The following POU2F1 variants were observed in gnomAD, a reference collection of about 807,000 sequenced individuals.
POU2F1 encodes the protein POU class 2 homeobox 1, also known as POU domain, class 2, transcription factor 1.
Under a neutral mutation model 84.9 loss-of-function variants are expected in POU2F1, and 16 were observed. That is an observed-to-expected ratio of 0.19 (90% CI 0.13 to 0.29). POU2F1 has a LOEUF of 0.29. Ranked by LOEUF, POU2F1 falls within the 10% of genes least tolerant of loss-of-function variation. POU2F1 has a pLI of 1.00. For synonymous variants in POU2F1, 368 were observed against 368.3 expected (o/e 1.00, Z 0.01); for missense variants, 738 against 942.6 (o/e 0.78, Z 2.84).
intron 15 of POU2F1, 68 bp downstream of exon 15, chr1:167,413,182 T>C (rs1002968701): frequency 5.2e-6 from 7 of 1,333,950 alleles, no homozygotes; most frequent in Non-Finnish European, 5.4e-6. Context: ...TGTGTGTGTG[T>C]GTGTGTGCTT....
At chr1:167,221,108 C>T in intron 1 of POU2F1, 150 bp downstream of exon 1, 3 of 771,808 alleles carry the variant, frequency 3.9e-6, no homozygotes, top group South Asian at 1.8e-5. Flanking sequence ...GAGCCCCCGC[C>T]GGGCGCTGAG....
chr1:167,298,892 G>A (rs372363460), intron 1 of POU2F1, among the ~76,000 whole-genome samples: 165 of 152,136 alleles, frequency 1.1e-3, no homozygotes, highest in African/African-American at 3.5e-3. Context: ...GGCTGGGCAC[G>A]GTGGCTCATG....
At position 167,332,542 on chromosome 1, in the gene POU2F1, G is replaced by T. The variant is rs1285519640; in HGVS notation, c.127+7G>T. On this transcript the variant is annotated splice_region_variant and intron_variant, in intron 2 of 15. Transcript: ENST00000367866. Reference sequence around the variant, plus strand: ...AGTGGAGATGGCAACACAGGTAAGAGTTTTCTGATCTAGCTTTTTAATTAA... The same window carrying T: ...AGTGGAGATGGCAACACAGGTAAGATTTTTCTGATCTAGCTTTTTAATTAA... 1 of 1,588,290 alleles carries T rather than the reference G, an allele frequency of 6.3e-7. No individual in the cohort carries two copies. The highest frequency in any genetic ancestry group is 8.6e-7 in the Non-Finnish European group (1 of 1,156,916).
At chr1:167,273,280 C>T (rs1652500421) in intron 1 of POU2F1, among the ~76,000 whole-genome samples, 1 of 152,186 alleles carries the variant, frequency 6.6e-6, no homozygotes. Flanking sequence ...TCCAGGTACA[C>T]AGAACAAGCC....
chr1:167,309,676 T>A (rs1655324912), intron 1 of POU2F1, among the ~76,000 whole-genome samples: 1 of 152,212 alleles, frequency 6.6e-6, no homozygotes, highest in African/African-American at 2.4e-5. Flanking sequence ...TTATTTTTAA[T>A]TTGGAACCCT....
chr1:167,233,081 C>T (rs968306279), intron 1 of POU2F1, among the ~76,000 whole-genome samples: 5 of 150,806 alleles, frequency 3.3e-5, no homozygotes, highest in Non-Finnish European at 5.9e-5. Context: ...ATTTTTAAAT[C>T]TTTTATACCA....
intron 1 of POU2F1, among the ~76,000 whole-genome samples, chr1:167,250,262 T>C (rs1650623457): frequency 6.6e-6 from 1 of 152,164 alleles, no homozygotes; most frequent in Non-Finnish European, 1.5e-5. Context: ...GTTAGAATTG[T>C]TTAGGTTGTT....
chr1:167,264,571 T>C (rs1651804266), intron 1 of POU2F1, among the ~76,000 whole-genome samples: 1 of 152,170 alleles, frequency 6.6e-6, no homozygotes, highest in Non-Finnish European at 1.5e-5. Context: ...ACAGTCCAGT[T>C]TGTGTTTTTA....
At chr1:167,221,788 G>T (rs1356822407) in intron 1 of POU2F1, among the ~76,000 whole-genome samples, 1 of 151,956 alleles carries the variant, frequency 6.6e-6, no homozygotes, top group African/African-American at 2.4e-5. Context: ...TGGGGCGGCG[G>T]GGGTGGGGAA....
chr1:167,318,285 A>G lies in POU2F1; in HGVS notation c.62-14185A>G, dbSNP rs972009891. ...GAGGTTGAGGTGCCACTAGACCGCC[A>G]TGTTTTCAGATAATAGGAACTCTTG... On this transcript the variant is annotated intron_variant, in intron 1 of 15. Transcript: ENST00000367866. 9.2e-5 allele frequency among the ~76,000 whole-genome samples: 14 copies of G among 152,322 alleles called. No homozygotes were observed. In the East Asian group the frequency reaches 1.5e-3, roughly 17 times the overall value.
intron 1 of POU2F1, among the ~76,000 whole-genome samples, chr1:167,304,894 G>GA (rs1227971820): frequency 2.0e-5 from 3 of 151,622 alleles, no homozygotes; most frequent in Non-Finnish European, 2.9e-5. Context: ...CACCTTTAAT[G>GA]AAAAAAAATG....
At chr1:167,315,518 G>A (rs759960288) in intron 1 of POU2F1, among the ~76,000 whole-genome samples, 14 of 152,276 alleles carry the variant, frequency 9.2e-5, no homozygotes, top group Non-Finnish European at 1.8e-4. Context: ...GCTCATGCCT[G>A]TAATCCCGGC....
intron 2 of POU2F1, among the ~76,000 whole-genome samples, chr1:167,361,343 G>C (rs1354435844): frequency 6.6e-6 from 1 of 152,138 alleles, no homozygotes; most frequent in Non-Finnish European, 1.5e-5. Flanking sequence ...TTTGAGGTAT[G>C]TTCCTTCAAT....
At chr1:167,265,146 A>G (rs1467516422) in intron 1 of POU2F1, among the ~76,000 whole-genome samples, 1 of 152,236 alleles carries the variant, frequency 6.6e-6, no homozygotes, top group Admixed American at 6.5e-5. Context: ...AATGCTGTAT[A>G]TAACAGGCAT....
At chr1:167,255,744 G>C (rs1312716006) in intron 1 of POU2F1, among the ~76,000 whole-genome samples, 1 of 152,156 alleles carries the variant, frequency 6.6e-6, no homozygotes, top group African/African-American at 2.4e-5. Context: ...GAATCTTTGA[G>C]AATCGGTGAC....
At chr1:167,398,224 A>C in intron 11 of POU2F1, 91 bp downstream of exon 11, 1 of 1,430,782 alleles carries the variant, frequency 7.0e-7, no homozygotes, top group South Asian at 1.4e-5. Context: ...GTAAAAGATG[A>C]CATGTCAGCC....
Position 167,341,506 on chromosome 1 carries a change from C to T in POU2F1, c.127+8971C>T, listed in dbSNP as rs1657850419. On this transcript the variant is annotated intron_variant, in intron 2 of 15. Transcript: ENST00000367866. ...ATTTGAATTGAAAGGGGAGAGTTCC[C>T]TGACCCCCCTTGCAGGACATGCGAC... Among the ~76,000 whole-genome samples, 3 of 152,092 alleles carry T rather than the reference C, an allele frequency of 2.0e-5. No homozygotes were observed. In the South Asian group the frequency reaches 6.2e-4, roughly 31 times the overall value.
chr1:167,341,845 G>A (rs143996024), intron 2 of POU2F1, among the ~76,000 whole-genome samples: 24 of 152,264 alleles, frequency 1.6e-4, no homozygotes, highest in African/African-American at 1.7e-4. Context: ...TTTGTTGAGC[G>A]GTGGAGGTGG....
chr1:167,394,284 G>A (rs964726156), intron 9 of POU2F1, among the ~76,000 whole-genome samples: 1 of 152,128 alleles, frequency 6.6e-6, no homozygotes, highest in African/African-American at 2.4e-5. Flanking sequence ...GCCTCTTAAA[G>A]TGCTGGGATT....
Sources: allele counts gnomAD v4.1 joint callset (sites outside exome capture counted in the v4.1 genomes callset), GRCh38; gene constraint gnomAD v4.1.1; transcripts MANE v1.5; gene names NCBI Gene and HGNC (gene_info 2026-07-23, HGNC 2026-07-21).